SVEP1: variants seen among roughly 807,000 people sequenced by gnomAD.
SVEP1 encodes the protein sushi, von Willebrand factor type A, EGF and pentraxin domain containing 1.
Under a neutral mutation model 367.3 loss-of-function variants are expected in SVEP1, and 164 were observed. That is an observed-to-expected ratio of 0.45 (90% CI 0.39 to 0.51). The LOEUF (loss-of-function observed/expected upper bound fraction) is 0.51, where lower values mean the gene tolerates loss of function less well. Ranked by LOEUF, SVEP1 falls within the 20% of genes least tolerant of loss-of-function variation. The pLI, the probability that SVEP1 is intolerant of heterozygous loss-of-function variation, is 0.00. For synonymous variants in SVEP1, 1,666 were observed against 1,611.6 expected, an observed-to-expected ratio of 1.03 and a Z score of -0.81; for missense variants, 4,117 against 4,425.3, an observed-to-expected ratio of 0.93 and a Z score of 1.98.
At chr9:110,462,162 T>G (rs963013361) in intron 18 of SVEP1, among the ~76,000 whole-genome samples, 1 of 152,052 alleles carries the variant, frequency 6.6e-6, no homozygotes, top group African/African-American at 2.4e-5. Context: ...TACATATAAT[T>G]TTCAGCACAA....
intron 40 of SVEP1, among the ~76,000 whole-genome samples, chr9:110,396,297 C>T (rs1283449388): frequency 2.0e-5 from 3 of 150,362 alleles, no homozygotes; most frequent in African/African-American, 7.3e-5. Flanking sequence ...TCTTTGAAAC[C>T]AATGAGAACA....
rs1828546537 is a variant in SVEP1 at position 110,443,586 on chromosome 9, G to A, written c.4598C>T (p.Ser1533Phe). Residue 1533 changes from serine (S) to phenylalanine (F), a missense_variant, in exon 27 of 48, where the codon TCT becomes TTT. Transcript: ENST00000374469. ...AACAGAGAGGCCAGCACCACCGTCAGATAATTTCCCATCGATATAGACTTT... is the reference window on the plus strand; with the variant it reads ...AACAGAGAGGCCAGCACCACCGTCAAATAATTTCCCATCGATATAGACTTT... ...IWKVYIDGKL[S>F]DGGAGLSVGL... The A allele has an allele frequency of 6.2e-7, 1 of 1,612,542 alleles. No homozygotes were observed. Among genetic ancestry groups the A allele is most frequent in the African/African-American group, 1.3e-5 (1 of 74,996 alleles).
At chr9:110,488,590 G>C (rs1477724326) in intron 9 of SVEP1, among the ~76,000 whole-genome samples, 5 of 152,126 alleles carry the variant, frequency 3.3e-5, no homozygotes, top group Admixed American at 1.3e-4. Context: ...AGCTGGGTGT[G>C]GTGGCTCACA....
At chr9:110,565,327 C>T (rs929263978) in intron 1 of SVEP1, among the ~76,000 whole-genome samples, 3 of 152,134 alleles carry the variant, frequency 2.0e-5, no homozygotes, top group African/African-American at 7.2e-5. Flanking sequence ...GAGAGTAATA[C>T]TTAAGGTCAC....
At chr9:110,425,396 C>A (rs1236933870) in intron 36 of SVEP1, among the ~76,000 whole-genome samples, 1 of 152,130 alleles carries the variant, frequency 6.6e-6, no homozygotes, top group Non-Finnish European at 1.5e-5. Context: ...TTAACAATTA[C>A]ATAATTTAGA....
At chr9:110,535,623 A>G (rs1039535932) in intron 3 of SVEP1, among the ~76,000 whole-genome samples, 1 of 152,078 alleles carries the variant, frequency 6.6e-6, no homozygotes, top group Admixed American at 6.6e-5. Flanking sequence ...AGTAATACTG[A>G]TTCTTCCTAC....
intron 46 of SVEP1, among the ~76,000 whole-genome samples, chr9:110,373,341 G>A (rs983704493): frequency 2.6e-5 from 4 of 152,166 alleles, no homozygotes; most frequent in Non-Finnish European, 5.9e-5. Flanking sequence ...TAGGTAGGGT[G>A]ACGACTGCAC....
chr9:110,459,006 G>C lies in SVEP1; in HGVS notation c.3430C>G (p.Pro1144Ala). 6.2e-7 allele frequency: 1 copy of C among 1,613,864 alleles called. No individual in the cohort carries two copies. Among genetic ancestry groups the C allele is most frequent in the South Asian group, 1.1e-5 (1 of 91,082 alleles). ...GCGAATGGGGTAGTTCCATAAAAGG[G>C]ACAGGCCAGGCAGAAGGCCTTCCCT... is the stretch of plus-strand genomic sequence containing the variant. ...NAGKAFCLAC[P>A]FYGTTPFAGS... is the part of the protein sequence containing the mutation. Residue 1144 changes from proline to alanine, a missense_variant, in exon 19 of 48, where the codon CCC becomes GCC. Pro to Ala is a conservative substitution (Grantham distance 27). Transcript: ENST00000374469.
chr9:110,530,324 T>C (rs1588094727), intron 3 of SVEP1, among the ~76,000 whole-genome samples: 1 of 152,130 alleles, frequency 6.6e-6, no homozygotes, highest in South Asian at 2.1e-4. Context: ...AAACTACATT[T>C]TGGAAATTGG....
chr9:110,453,363 G>A (rs1011781845), intron 22 of SVEP1, among the ~76,000 whole-genome samples: 6 of 151,918 alleles, frequency 3.9e-5, no homozygotes, highest in African/African-American at 1.5e-4. Context: ...TATAATGTGG[G>A]TTAACAAGGG....
At chr9:110,560,259 G>A (rs1040349215) in intron 1 of SVEP1, among the ~76,000 whole-genome samples, 5 of 152,278 alleles carry the variant, frequency 3.3e-5, no homozygotes, top group Middle Eastern at 3.4e-3. Context: ...TATAGCCTAG[G>A]TGATTAGTAG....
chr9:110,564,067 C>A (rs1830461855), intron 1 of SVEP1, among the ~76,000 whole-genome samples: 1 of 152,154 alleles, frequency 6.6e-6, no homozygotes, highest in African/African-American at 2.4e-5. Context: ...GGGCATGGTC[C>A]TCAGTGAAAG....
At chr9:110,480,479 AC>A (rs1403779847) in intron 12 of SVEP1, among the ~76,000 whole-genome samples, 1 of 152,242 alleles carries the variant, frequency 6.6e-6, no homozygotes, top group Non-Finnish European at 1.5e-5. Flanking sequence ...CTAAATGAAT[AC>A]ATTAGGTTAT....
intron 3 of SVEP1, among the ~76,000 whole-genome samples, chr9:110,518,789 C>T (rs1177174455): frequency 1.3e-5 from 2 of 152,164 alleles, no homozygotes; most frequent in Non-Finnish European, 2.9e-5. Flanking sequence ...CTGGTTTTTA[C>T]AACATCCTCC....
At chr9:110,387,513 T>G in intron 41 of SVEP1, 55 bp from the exon 42 acceptor site, 4 of 1,484,042 alleles carry the variant, frequency 2.7e-6, no homozygotes, top group Non-Finnish European at 2.7e-6. Flanking sequence ...CCTCTTTCCT[T>G]CTTTTCCTAT....
chr9:110,498,413 C>T (rs1032320374), intron 7 of SVEP1, among the ~76,000 whole-genome samples: 7 of 152,296 alleles, frequency 4.6e-5, no homozygotes, highest in African/African-American at 1.2e-4. Flanking sequence ...CATCCCTCAA[C>T]TTCCATCTTT....
At chr9:110,554,982 C>G (rs1348084523) in intron 1 of SVEP1, among the ~76,000 whole-genome samples, 1 of 152,008 alleles carries the variant, frequency 6.6e-6, no homozygotes, top group East Asian at 1.9e-4. Context: ...AGGGTAACTC[C>G]TAGTTGTAGT....
intron 9 of SVEP1, among the ~76,000 whole-genome samples, chr9:110,487,016 G>A (rs1829290070): frequency 6.6e-6 from 1 of 151,902 alleles, no homozygotes; most frequent in African/African-American, 2.4e-5. Flanking sequence ...GAGTGCAATG[G>A]TGCGATCTCA....
chr9:110,445,787 C>T (rs753135180), intron 26 of SVEP1, 50 bp downstream of exon 26: 13 of 1,597,564 alleles, frequency 8.1e-6, no homozygotes, highest in South Asian at 4.4e-5. Context: ...AGTTCTAATT[C>T]GGTTCCAAGA....
Sources: allele counts gnomAD v4.1 joint callset (sites outside exome capture counted in the v4.1 genomes callset), GRCh38; gene constraint gnomAD v4.1.1; transcripts MANE v1.5; gene names NCBI Gene and HGNC (gene_info 2026-07-23, HGNC 2026-07-21).